GDE1: variants seen among roughly 807,000 people sequenced by gnomAD.
The protein encoded by GDE1 is glycerophosphodiester phosphodiesterase 1, also known as RGS16-interacting membrane protein.
A neutral mutation model predicts 32.2 loss-of-function variants in GDE1; 24 were observed. That is an observed-to-expected ratio of 0.75 (90% CI 0.54 to 1.05). The LOEUF (loss-of-function observed/expected upper bound fraction) is 1.05, where lower values mean the gene tolerates loss of function less well. GDE1 is among the 50% of genes least tolerant of loss of function. The probability of loss-of-function intolerance (pLI) is 0.00; values close to 1 mark genes in which losing one functional copy is unlikely to be tolerated. For missense variants in GDE1, 380 were observed against 415.0 expected (o/e 0.92, Z 0.73); for synonymous variants, 159 against 158.6 (o/e 1.00, Z -0.02).
rs1224406433 is a variant in GDE1, at chr16:19,521,692, T to TG, written c.261+11dup. 1 of 1,608,390 alleles carries TG rather than the reference T, an allele frequency of 6.2e-7. No homozygotes were observed. Among genetic ancestry groups the TG allele is most frequent in the Non-Finnish European group, 8.5e-7 (1 of 1,177,302 alleles). ...TCGGGAGGACCGAGGGGCGCGAACGTGGGGGTCTCACCTGCCGAATGGCCG... is the reference window on the plus strand; with the variant it reads ...TCGGGAGGACCGAGGGGCGCGAACGTGGGGGGTCTCACCTGCCGAATGGCCG... On this transcript the variant is annotated intron_variant, in intron 1 of 5. Transcript: ENST00000353258.
At chr16:19,504,818 T>G in intron 5 of GDE1, 63 bp downstream of exon 5, 2 of 1,052,728 alleles carry the variant, frequency 1.9e-6, no homozygotes, top group Admixed American at 4.1e-5. Flanking sequence ...CTGTTAATCC[T>G]TCCTTTCAAA....
At chr16:19,508,170 T>C (rs893588954) in intron 3 of GDE1, among the ~76,000 whole-genome samples, 1 of 152,116 alleles carries the variant, frequency 6.6e-6, no homozygotes, top group Non-Finnish European at 1.5e-5. Flanking sequence ...AAATGAAACA[T>C]GAGCCAGCCA....
chr16:19,516,619 A>C (rs966389708), intron 2 of GDE1, among the ~76,000 whole-genome samples: 1 of 152,164 alleles, frequency 6.6e-6, no homozygotes, highest in Non-Finnish European at 1.5e-5. Context: ...GATTCCTCAG[A>C]AGTTTGTTAT....
chr16:19,510,707 C>G (rs1969306602), intron 3 of GDE1, 132 bp downstream of exon 3: 1 of 461,246 alleles, frequency 2.2e-6, no homozygotes, highest in Non-Finnish European at 3.9e-6. Flanking sequence ...TGTACACTTC[C>G]ATTAAACAAA....
chr16:19,511,036 G>A (rs1969312304), intron 2 of GDE1, 92 bp from the exon 3 acceptor site: 2 of 607,942 alleles, frequency 3.3e-6, no homozygotes, highest in Non-Finnish European at 5.9e-6. Context: ...TCAATCAAAA[G>A]GAAAGAGTGT....
intron 1 of GDE1, among the ~76,000 whole-genome samples, chr16:19,520,522 T>C (rs1478631299): frequency 2.0e-5 from 3 of 151,702 alleles, no homozygotes; most frequent in African/African-American, 7.3e-5. Flanking sequence ...GCCAGGAGTT[T>C]GAGACCAGTC....
rs369800738 is a variant in GDE1 at position 19,516,999 on chromosome 16, C to A, written c.437+15G>T. The stretch of plus-strand genomic sequence containing the variant: ...AAAGCTAAAAGATCTGTTTAAGTGA[C>A]AATAAACTACTTACCTGAGTCTGTG... On this transcript the variant is annotated intron_variant, in intron 2 of 5. Coordinates refer to ENST00000353258, the MANE Select transcript of GDE1 (RefSeq NM_016641.4). 325 of 1,610,218 alleles carry A rather than the reference C, an allele frequency of 2.0e-4. 1 individual carries two copies. Among genetic ancestry groups the A allele is most frequent in the Admixed American group, 1.1e-3 (66 of 59,908 alleles).
At chr16:19,511,687 C>T (rs1420590699) in intron 2 of GDE1, among the ~76,000 whole-genome samples, 1 of 151,966 alleles carries the variant, frequency 6.6e-6, no homozygotes, top group African/African-American at 2.4e-5. Flanking sequence ...ACTCATTAAC[C>T]AAATTCTCCT....
rs1248284505 is a variant in GDE1 at position 19,510,784 on chromosome 16, G to A, written c.543+55C>T. 44 of 740,900 alleles carry A rather than the reference G, an allele frequency of 5.9e-5. No individual in the cohort carries two copies. In the East Asian group the frequency reaches 1.0e-3, roughly 17 times the overall value. The allele number at this position is 740,900 out of a possible 1,614,324, so 45.9% of individuals were successfully genotyped here. The stretch of plus-strand genomic sequence containing the variant: ...AATATATGTAACTTCGGAAATGACC[G>A]TCAATGAAATAAGATGTCTTTTTAA... On this transcript the variant is annotated intron_variant, in intron 3 of 5. Coordinates refer to ENST00000353258, the MANE Select transcript of GDE1 (RefSeq NM_016641.4).
rs1261896788 is a variant in GDE1 at position 19,503,044 on chromosome 16, T to G, written c.*426A>C. On this transcript the variant is annotated 3_prime_UTR_variant, in exon 6 of 6. Transcript: ENST00000353258. ...TATTAGTATGGCCACAAGTTTGATG[T>G]CTACAGTACATGTTAACATAGCTGA... 6.4e-6 allele frequency: 1 copy of G among 156,006 alleles called. No homozygotes were observed. Among genetic ancestry groups the G allele is most frequent in the African/African-American group, 2.4e-5 (1 of 41,590 alleles). 9.7% of individuals were successfully genotyped at this position (156,006 alleles called of 1,614,324 possible). A position where few individuals can be genotyped will look rare whatever the true frequency, so the allele number is the denominator to read the frequency against.
rs1403901059 is a variant in GDE1 at position 19,519,630 on chromosome 16, T to A, written c.261+2074A>T. ...AACTTGCAATATCTCCTATATATACTAATATGTGAATTAGAACCAGGGATT... is the reference window on the plus strand; with the variant it reads ...AACTTGCAATATCTCCTATATATACAAATATGTGAATTAGAACCAGGGATT... On this transcript the variant is annotated intron_variant, in intron 1 of 5. Coordinates refer to ENST00000353258, the MANE Select transcript of GDE1 (RefSeq NM_016641.4). 5.9e-5 allele frequency among the ~76,000 whole-genome samples: 9 copies of A among 152,318 alleles called. No individual in the cohort carries two copies. In the East Asian group the frequency reaches 1.7e-3, roughly 29 times the overall value.
At chr16:19,517,893 T>C (rs1014724574) in intron 1 of GDE1, among the ~76,000 whole-genome samples, 3 of 151,512 alleles carry the variant, frequency 2.0e-5, no homozygotes, top group African/African-American at 4.8e-5. Flanking sequence ...TTCTTTCTTT[T>C]TTTTTTTTTT....
intron 3 of GDE1, among the ~76,000 whole-genome samples, chr16:19,508,269 G>A (rs902603922): frequency 6.6e-6 from 1 of 152,172 alleles, no homozygotes; most frequent in African/African-American, 2.4e-5. Context: ...AAGTAATGGG[G>A]CAAGGGTAGG....
At chr16:19,510,352 C>G (rs1969302188) in intron 3 of GDE1, among the ~76,000 whole-genome samples, 1 of 152,122 alleles carries the variant, frequency 6.6e-6, no homozygotes, top group South Asian at 2.1e-4. Context: ...AGGGATAAAT[C>G]TATGTAAAAG....
intron 2 of GDE1, among the ~76,000 whole-genome samples, chr16:19,516,484 AT>A (rs1969381995): frequency 6.6e-6 from 1 of 152,154 alleles, no homozygotes; most frequent in South Asian, 2.1e-4. Flanking sequence ...CAAGTGCTCA[AT>A]AGCCACAAGT....
At chr16:19,504,760 A>G in intron 5 of GDE1, 121 bp downstream of exon 5, 1 of 643,026 alleles carries the variant, frequency 1.6e-6, no homozygotes, top group South Asian at 2.0e-5. Context: ...AATCCAATTT[A>G]GAGGTATGGT....
intron 4 of GDE1, among the ~76,000 whole-genome samples, chr16:19,506,315 CAAAA>C (rs967980952): frequency 1.3e-4 from 19 of 151,262 alleles, no homozygotes; most frequent in South Asian, 2.1e-4. Flanking sequence ...AACAAACAAA[CAAAA>C]AAAACAGAGA....
At chr16:19,520,247 T>C (rs1304358199) in intron 1 of GDE1, among the ~76,000 whole-genome samples, 1 of 151,742 alleles carries the variant, frequency 6.6e-6, no homozygotes, top group Admixed American at 6.6e-5. Context: ...TTTAAAAGTA[T>C]AAATCTTGGC....
intron 3 of GDE1, among the ~76,000 whole-genome samples, chr16:19,509,826 A>G (rs974441054): frequency 5.3e-5 from 8 of 151,938 alleles, no homozygotes; most frequent in African/African-American, 1.7e-4. Flanking sequence ...AAGTCCAGCT[A>G]ATTTTTGTAT....
Sources: allele counts gnomAD v4.1 joint callset (sites outside exome capture counted in the v4.1 genomes callset), GRCh38; gene constraint gnomAD v4.1.1; transcripts MANE v1.5; gene names NCBI Gene and HGNC (gene_info 2026-07-23, HGNC 2026-07-21).